OPHN1: variants seen among roughly 807,000 people sequenced by gnomAD.
OPHN1 encodes oligophrenin-1.
A neutral mutation model predicts 60.7 loss-of-function variants in OPHN1; 11 were observed. That is an observed-to-expected ratio of 0.18 (90% CI 0.11 to 0.30). OPHN1 has a LOEUF of 0.30. Among genes scored for constraint, OPHN1 ranks in the 10% least tolerant of loss-of-function variants. The pLI is 1.00. For synonymous variants in OPHN1, 226 were observed against 222.6 expected, an observed-to-expected ratio of 1.02 and a Z score of -0.14; for missense variants, 449 against 611.0, an observed-to-expected ratio of 0.73 and a Z score of 2.80.
intron 6 of OPHN1, among the ~76,000 whole-genome samples, chrX:68,222,169 C>G (rs1395565026): frequency 9.2e-6 from 1 of 109,140 alleles, no homozygotes; most frequent in Non-Finnish European, 1.9e-5. Flanking sequence ...CCAAAAAACA[C>G]ATGAAAAAAT....
At chrX:68,267,947 A>G (rs1370939563) in intron 5 of OPHN1, among the ~76,000 whole-genome samples, 1 of 111,976 alleles carries the variant, frequency 8.9e-6, no homozygotes, top group Non-Finnish European at 1.9e-5. Context: ...AAATGGATAA[A>G]TTCCTCGACA....
intron 15 of OPHN1, among the ~76,000 whole-genome samples, chrX:68,130,755 G>T (rs1194639234): frequency 9.0e-6 from 1 of 110,948 alleles, no homozygotes; most frequent in Non-Finnish European, 1.9e-5. Flanking sequence ...CTATTAAATT[G>T]TAAGTAGAAA....
chrX:68,053,808 C>A lies in OPHN1; in HGVS notation c.2161G>T (p.Asp721Tyr). ...CGCACTTTGCTGAAACTGTCAGCATCCCCTGGAAGAGAAAATGATACCAGG... is the reference window on the plus strand; with the variant it reads ...CGCACTTTGCTGAAACTGTCAGCATACCCTGGAAGAGAAAATGATACCAGG... ...PRPLAHHKEG[D>Y]ADSFSKVRPP... Residue 721 changes from aspartate to tyrosine, a missense_variant and splice_region_variant, in exon 22 of 25, where the codon GAT becomes TAT. By Grantham distance (160) the Asp-to-Tyr change is radical. Around this residue, in one of 4 missense-constraint regions of OPHN1, gnomAD observed 184 missense variants for 160.5 expected, o/e 1.15. Coordinates refer to ENST00000355520, the MANE Select transcript of OPHN1 (RefSeq NM_002547.3). 8.3e-7 allele frequency: 1 copy of A among 1,208,578 alleles called. No individual in the cohort carries two copies. Among genetic ancestry groups the A allele is most frequent in the Non-Finnish European group, 1.1e-6 (1 of 894,345 alleles).
At chrX:68,157,945 C>CT (rs1489073265) in intron 15 of OPHN1, among the ~76,000 whole-genome samples, 4 of 110,850 alleles carry the variant, frequency 3.6e-5, no homozygotes, top group Admixed American at 9.6e-5. Flanking sequence ...ATTTTCTTTT[C>CT]TTTTTTTTCT....
At chrX:68,354,089 A>G (rs1260897689) in intron 2 of OPHN1, among the ~76,000 whole-genome samples, 1 of 111,764 alleles carries the variant, frequency 8.9e-6, no homozygotes, top group African/African-American at 3.2e-5. Flanking sequence ...ATAAAAGAGC[A>G]TTAAAATGAT....
intron 15 of OPHN1, among the ~76,000 whole-genome samples, chrX:68,191,106 A>G (rs767722900): frequency 3.3e-4 from 37 of 111,517 alleles, no homozygotes; most frequent in South Asian, 2.7e-3. Flanking sequence ...AGTTTTCCAC[A>G]CTCAATTTGT....
chrX:68,211,964 T>C, intron 8 of OPHN1, 144 bp downstream of exon 8: 1 of 509,050 alleles, frequency 2.0e-6, no homozygotes, highest in Non-Finnish European at 3.6e-6. Context: ...CAGTCTGATA[T>C]ACTAAATATT....
chrX:68,312,831 C>T (rs192993076), intron 2 of OPHN1, among the ~76,000 whole-genome samples: 2 of 111,289 alleles, frequency 1.8e-5, no homozygotes, highest in African/African-American at 6.5e-5. Flanking sequence ...AGGGACCGAG[C>T]ACGGTGGCTC....
Position 68,253,459 on chromosome X carries a change from C to T in OPHN1, c.385-18871G>A, listed in dbSNP as rs969125721. Among the ~76,000 whole-genome samples, 13 of 111,278 alleles carry T rather than the reference C, an allele frequency of 1.2e-4. No individual in the cohort carries two copies. In the East Asian group the frequency reaches 2.6e-3, roughly 22 times the overall value. The stretch of plus-strand genomic sequence containing the variant: ...TGATTACATCTGACTAGGAATCAGG[C>T]GACCTGGGTTCTGATCCCATCTCCC... On this transcript the variant is annotated intron_variant, in intron 5 of 24. Transcript: ENST00000355520.
intron 15 of OPHN1, among the ~76,000 whole-genome samples, chrX:68,149,035 T>G (rs1003579652): frequency 1.6e-4 from 18 of 111,378 alleles, no homozygotes; most frequent in African/African-American, 5.9e-4. Context: ...AAAGTACCTA[T>G]TGCCCATGAA....
intron 15 of OPHN1, among the ~76,000 whole-genome samples, chrX:68,153,220 AAAAAAAG>A (rs2077293713): frequency 1.8e-5 from 2 of 109,689 alleles, no homozygotes; most frequent in African/African-American, 6.6e-5. Context: ...CAAAAAAAAA[AAAAAAAG>A]AAAAAAGAAA....
intron 23 of OPHN1, among the ~76,000 whole-genome samples, chrX:68,049,222 C>G (rs990055627): frequency 8.9e-6 from 1 of 111,732 alleles, no homozygotes; most frequent in Admixed American, 9.5e-5. Flanking sequence ...CAACTGCTAG[C>G]CTAAGTTGCA....
intron 4 of OPHN1, among the ~76,000 whole-genome samples, chrX:68,279,282 TG>T (rs2078008857): frequency 9.4e-6 from 1 of 105,991 alleles, no homozygotes; most frequent in African/African-American, 3.5e-5. Context: ...AGCTAATTTT[TG>T]TATTTTTAGT....
intron 2 of OPHN1, among the ~76,000 whole-genome samples, chrX:68,327,824 A>C (rs1663793301): frequency 9.9e-6 from 1 of 101,057 alleles, no homozygotes; most frequent in Admixed American, 1.0e-4. Flanking sequence ...AAAATTTTAA[A>C]CTTTTTTTTT....
chrX:68,225,913 G>A (rs780995364), intron 6 of OPHN1, among the ~76,000 whole-genome samples: 1 of 111,454 alleles, frequency 9.0e-6, no homozygotes, highest in Non-Finnish European at 1.9e-5. Flanking sequence ...TCAGATGATC[G>A]GTAATAACAA....
chrX:68,052,923 A>C (rs1164236121), intron 22 of OPHN1, among the ~76,000 whole-genome samples: 1 of 112,733 alleles, frequency 8.9e-6, no homozygotes, highest in African/African-American at 3.2e-5. Flanking sequence ...AATTAGTCAA[A>C]GCTGTGGAGG....
At chrX:68,082,610 G>T (rs963491131) in intron 19 of OPHN1, among the ~76,000 whole-genome samples, 46 of 112,272 alleles carry the variant, frequency 4.1e-4, no homozygotes, top group African/African-American at 1.5e-3. Flanking sequence ...CTCAAGAGTG[G>T]GCTTAAAATA....
rs768393455 is a variant in OPHN1, at chrX:68,354,587, G to A, written c.155-55491C>T. Among the ~76,000 whole-genome samples the A allele has an allele frequency of 7.8e-5, 8 of 102,520 alleles. No homozygotes were observed. In the South Asian group the frequency reaches 2.8e-3, roughly 36 times the overall value. 89.0% of individuals were successfully genotyped at this position (102,520 alleles called of 115,157 possible). ...AGCCTGGCCAACATGGTGAAACCCC[G>A]ACTCTACTAAAAAAAAAAATAGCTG... On this transcript the variant is annotated intron_variant, in intron 2 of 24. Transcript: ENST00000355520.
intron 2 of OPHN1, among the ~76,000 whole-genome samples, chrX:68,359,937 G>A (rs1298364646): frequency 3.7e-5 from 4 of 107,649 alleles, no homozygotes; most frequent in African/African-American, 1.4e-4. Flanking sequence ...TCACCAGGCT[G>A]AAATGTAATT....
Sources: allele counts gnomAD v4.1 joint callset (sites outside exome capture counted in the v4.1 genomes callset), GRCh38; gene constraint gnomAD v4.1.1; regional missense constraint gnomAD v4.1.1; transcripts MANE v1.5; gene names NCBI Gene and HGNC (gene_info 2026-07-23, HGNC 2026-07-21).